ZNF566: variants seen among roughly 807,000 people sequenced by gnomAD.
The protein encoded by ZNF566 is zinc finger protein 566.
ZNF566 carries 27 observed loss-of-function variants against 32.8 expected under a neutral mutation model. The observed-to-expected ratio is 0.82, with a 90% CI of 0.61 to 1.14. ZNF566 has a LOEUF of 1.14. ZNF566 is among the 50% of genes most tolerant of loss of function. The pLI is 0.00. For missense variants in ZNF566, 402 were observed against 490.4 expected (o/e 0.82, Z 1.70); for synonymous variants, 154 against 159.5 (o/e 0.97, Z 0.26).
At chr19:36,456,809 T>A (rs901638337) in intron 4 of ZNF566, among the ~76,000 whole-genome samples, 1 of 150,686 alleles carries the variant, frequency 6.6e-6, no homozygotes, top group African/African-American at 2.4e-5. Flanking sequence ...TGTTAAAATG[T>A]CCATACTACC....
chr19:36,476,673 A>T (rs1313323106), intron 1 of ZNF566, 57 bp from the exon 2 acceptor site: 1 of 1,422,564 alleles, frequency 7.0e-7, no homozygotes, highest in Non-Finnish European at 9.6e-7. Flanking sequence ...CTCCTGGCCC[A>T]GAATGATCAT....
chr19:36,464,060 C>T (rs1208285829), intron 4 of ZNF566, among the ~76,000 whole-genome samples: 2 of 151,996 alleles, frequency 1.3e-5, no homozygotes, highest in Admixed American at 6.6e-5. Flanking sequence ...AAAAACTCAA[C>T]ATTTTAAATA....
At chr19:36,460,916 G>T (rs958449874) in intron 4 of ZNF566, among the ~76,000 whole-genome samples, 1 of 152,100 alleles carries the variant, frequency 6.6e-6, no homozygotes, top group Non-Finnish European at 1.5e-5. Flanking sequence ...AATTTATTGT[G>T]CTGAAAAAAA....
intron 4 of ZNF566, among the ~76,000 whole-genome samples, chr19:36,456,275 C>T (rs1568513220): frequency 6.6e-6 from 1 of 151,184 alleles, no homozygotes; most frequent in African/African-American, 2.4e-5. Context: ...GTGGCTCACG[C>T]CTGTAATCAT....
At chr19:36,461,439 G>A (rs1217268835) in intron 4 of ZNF566, among the ~76,000 whole-genome samples, 1 of 152,184 alleles carries the variant, frequency 6.6e-6, no homozygotes, top group Non-Finnish European at 1.5e-5. Flanking sequence ...GGGAGTCCGA[G>A]GCAGGTGGAT....
intron 4 of ZNF566, among the ~76,000 whole-genome samples, chr19:36,452,069 A>G (rs1333735829): frequency 6.6e-6 from 1 of 151,340 alleles, no homozygotes; most frequent in African/African-American, 2.4e-5. Flanking sequence ...ATTAGGCCCG[A>G]CCCCTTGACT....
rs186321759 is a variant in ZNF566 at position 36,455,925 on chromosome 19, A to G, written c.233-5924T>C. ...ATGGTGGTGGGCGCCTATAGTCCCA[A>G]CTACTAGGGAGACTGAGGCAGGAGA... On this transcript the variant is annotated intron_variant, in intron 4 of 4. Coordinates refer to ENST00000452939, the MANE Select transcript of ZNF566 (RefSeq NM_001145344.1). Among the ~76,000 whole-genome samples the G allele has an allele frequency of 9.3e-5, 14 of 150,340 alleles. 1 individual carries two copies. The highest frequency in any genetic ancestry group is 2.0e-4 in the Admixed American group (3 of 15,040).
chr19:36,448,812 A>G lies in ZNF566; in HGVS notation c.*165T>C. 4.9e-6 allele frequency: 3 copies of G among 609,252 alleles called. No individual in the cohort carries two copies. The highest frequency in any genetic ancestry group is 8.1e-6 in the Non-Finnish European group (3 of 370,500). 37.7% of individuals were successfully genotyped at this position (609,252 alleles called of 1,614,324 possible). A position where few individuals can be genotyped will look rare whatever the true frequency, so the allele number is the denominator to read the frequency against. ...GTTAAGGGCTTCCAAAGTATATTCT[A>G]TTCATAGAGTATTTCTCCAACATTA... On this transcript the variant is annotated 3_prime_UTR_variant, in exon 5 of 5. Transcript: ENST00000452939.
At chr19:36,481,432 C>T (rs1454651870) in intron 1 of ZNF566, among the ~76,000 whole-genome samples, 1 of 144,728 alleles carries the variant, frequency 6.9e-6, no homozygotes, top group South Asian at 2.2e-4. Flanking sequence ...GATCGCGCCA[C>T]TGCACTCCAG....
chr19:36,481,215 A>T (rs1433125827), intron 1 of ZNF566, among the ~76,000 whole-genome samples: 1 of 152,096 alleles, frequency 6.6e-6, no homozygotes. Context: ...TCATACCTGT[A>T]ATCTCAGCAC....
At chr19:36,467,529 G>A (rs9676533) in intron 4 of ZNF566, among the ~76,000 whole-genome samples, 13,583 of 150,920 alleles carry the variant, frequency 0.09, 738 homozygotes, top group African/African-American at 0.13. Context: ...GGGCACGGTG[G>A]CTCAAGACTA....
chr19:36,453,509 T>C (rs7248249), intron 4 of ZNF566, among the ~76,000 whole-genome samples: 1 of 97,010 alleles, frequency 1.0e-5, no homozygotes, highest in Non-Finnish European at 2.2e-5. Flanking sequence ...ATAAATAAAT[T>C]AATTAATTAA....
At chr19:36,460,865 C>T (rs1436773817) in intron 4 of ZNF566, among the ~76,000 whole-genome samples, 1 of 152,086 alleles carries the variant, frequency 6.6e-6, no homozygotes, top group African/African-American at 2.4e-5. Flanking sequence ...GACTGGATTG[C>T]TCTTCATAAA....
chr19:36,467,188 C>A (rs777868676), intron 4 of ZNF566, among the ~76,000 whole-genome samples: 1 of 151,310 alleles, frequency 6.6e-6, no homozygotes, highest in Admixed American at 6.6e-5. Context: ...GTAATCCCAG[C>A]ACTTTGGGAG....
chr19:36,457,054 C>G (rs1350991272), intron 4 of ZNF566, among the ~76,000 whole-genome samples: 1 of 152,088 alleles, frequency 6.6e-6, no homozygotes, highest in Non-Finnish European at 1.5e-5. Flanking sequence ...ATAGACACAT[C>G]AACCAATGGA....
intron 1 of ZNF566, among the ~76,000 whole-genome samples, chr19:36,487,923 AG>A (rs147471141): frequency 0.073 from 9,528 of 129,886 alleles, 840 homozygotes; most frequent in Non-Finnish European, 0.1. Flanking sequence ...AAAAAAAAAA[AG>A]AATGGGTAAA....
At chr19:36,451,259 T>C (rs1220567585) in intron 4 of ZNF566, among the ~76,000 whole-genome samples, 1 of 152,074 alleles carries the variant, frequency 6.6e-6, no homozygotes, top group African/African-American at 2.4e-5. Context: ...AGGGTGACAA[T>C]CCAGAAAAAA....
intron 2 of ZNF566, among the ~76,000 whole-genome samples, chr19:36,474,125 C>CA (rs1357081719): frequency 6.6e-6 from 1 of 152,004 alleles, no homozygotes; most frequent in African/African-American, 2.4e-5. Context: ...ATGTGGTCCA[C>CA]AAAAACGAGG....
At position 36,455,946 on chromosome 19, in the gene ZNF566, G is replaced by T. The variant is rs546867520; in HGVS notation, c.233-5945C>A. ...CCCAACTACTAGGGAGACTGAGGCA[G>T]GAGAATGGCGTGAACCCGGGAGGCC... On this transcript the variant is annotated intron_variant, in intron 4 of 4. Coordinates refer to ENST00000452939, the MANE Select transcript of ZNF566 (RefSeq NM_001145344.1). Among the ~76,000 whole-genome samples, 6 of 151,216 alleles carry T rather than the reference G, an allele frequency of 4.0e-5. No homozygotes were observed. In the South Asian group the frequency reaches 1.3e-3, roughly 32 times the overall value.
Sources: gnomAD v4.1 joint callset for allele counts (sites outside exome capture counted in the v4.1 genomes callset) on GRCh38, gnomAD v4.1.1 for gene constraint, MANE v1.5 for transcripts, NCBI Gene and HGNC (gene_info 2026-07-23, HGNC 2026-07-21) for gene names.